Variants in ZBTB20 observed in about 807,000 individuals in gnomAD.
The protein encoded by ZBTB20 is zinc finger and BTB domain-containing protein 20.
A neutral mutation model predicts 56.9 loss-of-function variants in ZBTB20; 9 were observed. The observed-to-expected ratio is 0.16, with a 90% CI of 0.10 to 0.28. ZBTB20 has a LOEUF of 0.28. Among genes scored for constraint, ZBTB20 ranks in the 10% least tolerant of loss-of-function variants. The pLI, the probability that ZBTB20 is intolerant of heterozygous loss-of-function variation, is 1.00. For synonymous variants in ZBTB20, 417 were observed against 420.7 expected, an observed-to-expected ratio of 0.99 and a Z score of 0.11; for missense variants, 655 against 1,003.0, an observed-to-expected ratio of 0.65 and a Z score of 4.69.
At chr3:115,080,465 T>C (rs922323838) in intron 1 of ZBTB20, among the ~76,000 whole-genome samples, 2 of 152,170 alleles carry the variant, frequency 1.3e-5, no homozygotes, top group Non-Finnish European at 2.9e-5. Flanking sequence ...ACAGCCTTCC[T>C]ACACAGAAAC....
At chr3:114,874,686 G>C (rs992815792) in intron 4 of ZBTB20, among the ~76,000 whole-genome samples, 1 of 152,074 alleles carries the variant, frequency 6.6e-6, no homozygotes, top group African/African-American at 2.4e-5. Context: ...CAGTGAGATG[G>C]CCCTGTTTAT....
chr3:114,545,129 T>C (rs1007415526), intron 6 of ZBTB20, among the ~76,000 whole-genome samples: 1 of 152,204 alleles, frequency 6.6e-6, no homozygotes, highest in African/African-American at 2.4e-5. Context: ...AAACCCGCTT[T>C]GGATATGTAT....
intron 6 of ZBTB20, among the ~76,000 whole-genome samples, chr3:114,633,000 T>G (rs1386681393): frequency 1.3e-5 from 2 of 152,340 alleles, no homozygotes; most frequent in East Asian, 3.9e-4. Context: ...AAGGAAACTA[T>G]GAGACCAAAC....
intron 6 of ZBTB20, among the ~76,000 whole-genome samples, chr3:114,574,045 T>C (rs542326332): frequency 5.3e-5 from 8 of 152,284 alleles, no homozygotes; most frequent in Non-Finnish European, 1.2e-4. Flanking sequence ...TTTGTATCTT[T>C]TGGACCAGGA....
chr3:114,603,377 T>C (rs991144391), intron 6 of ZBTB20, among the ~76,000 whole-genome samples: 2 of 151,946 alleles, frequency 1.3e-5, no homozygotes, highest in African/African-American at 4.8e-5. Context: ...AGATCCTCTT[T>C]TACCCTTAAA....
At chr3:114,678,251 C>T (rs2061749503) in intron 6 of ZBTB20, among the ~76,000 whole-genome samples, 1 of 152,136 alleles carries the variant, frequency 6.6e-6, no homozygotes, top group Admixed American at 6.5e-5. Context: ...AAAATATGCT[C>T]TCCATTGGTG....
intron 6 of ZBTB20, among the ~76,000 whole-genome samples, chr3:114,633,776 TA>T (rs1553772551): frequency 1.3e-5 from 2 of 152,174 alleles, no homozygotes; most frequent in Non-Finnish European, 2.9e-5. Context: ...AAATGCACAA[TA>T]TTATTAAAAT....
rs903012359 is a variant in ZBTB20 at position 114,319,679 on chromosome 3, T to C, written c.*19326A>G. 2 of 152,164 alleles carry C rather than the reference T, an allele frequency of 1.3e-5. No homozygotes were observed. Among genetic ancestry groups the C allele is most frequent in the South Asian group, 2.1e-4 (1 of 4,834 alleles). The allele number at this position is 152,164 out of a possible 1,614,324, so 9.4% of individuals were successfully genotyped here. On this transcript the variant is annotated 3_prime_UTR_variant, in exon 12 of 12. Coordinates refer to ENST00000675478, the MANE Select transcript of ZBTB20 (RefSeq NM_001348800.3). ...TGAGTCACTGACAGTCCCCAGGTTG[T>C]ACAACTATCCATTGCAAATCCTCAT...
rs114528588 is a variant in ZBTB20 at position 114,606,859 on chromosome 3, G to T, written c.-295+86669C>A. On this transcript the variant is annotated intron_variant, in intron 6 of 11. Transcript: ENST00000675478. ...TCTTGTAATCCCAGCATTTTAGGAG[G>T]TTGAGGCGGGTGGATCACTTGAGGT... Among the ~76,000 whole-genome samples, 1,235 of 152,260 alleles carry T rather than the reference G, an allele frequency of 8.1e-3. 20 individuals are homozygous for T. The highest frequency in any genetic ancestry group is 0.028 in the African/African-American group (1,149 of 41,538).
chr3:114,365,421 C>T (rs1259498578), intron 10 of ZBTB20, among the ~76,000 whole-genome samples: 1 of 152,190 alleles, frequency 6.6e-6, no homozygotes, highest in Non-Finnish European at 1.5e-5. Flanking sequence ...GATTTCTATG[C>T]CAAGCTCTTG....
chr3:114,970,439 C>A (rs1258520133), intron 3 of ZBTB20, among the ~76,000 whole-genome samples: 2 of 152,188 alleles, frequency 1.3e-5, no homozygotes, highest in Non-Finnish European at 2.9e-5. Context: ...AGCATTGAGG[C>A]AAGAAACACA....
At chr3:114,574,566 C>A (rs1166001566) in intron 6 of ZBTB20, among the ~76,000 whole-genome samples, 1 of 152,086 alleles carries the variant, frequency 6.6e-6, no homozygotes, top group East Asian at 1.9e-4. Context: ...TTTAGCCATT[C>A]TATTTGACTG....
chr3:114,804,227 A>AAAAACAAAAC (rs1553827614), intron 4 of ZBTB20, among the ~76,000 whole-genome samples: 2 of 151,384 alleles, frequency 1.3e-5, no homozygotes, highest in African/African-American at 4.8e-5. Context: ...TAGTCAATAA[A>AAAAACAAAAC]AAAACAAAAC....
At chr3:114,618,662 C>G (rs926427560) in intron 6 of ZBTB20, among the ~76,000 whole-genome samples, 7 of 152,122 alleles carry the variant, frequency 4.6e-5, no homozygotes, top group African/African-American at 1.2e-4. Context: ...ACAGTACAGT[C>G]TGTGTACAGT....
At chr3:114,675,628 C>G (rs2061585457) in intron 6 of ZBTB20, among the ~76,000 whole-genome samples, 1 of 152,120 alleles carries the variant, frequency 6.6e-6, no homozygotes, top group Non-Finnish European at 1.5e-5. Flanking sequence ...CACACATATT[C>G]TGTTACTGAA....
At chr3:114,774,938 C>G (rs1166229123) in intron 5 of ZBTB20, among the ~76,000 whole-genome samples, 1 of 152,094 alleles carries the variant, frequency 6.6e-6, no homozygotes, top group African/African-American at 2.4e-5. Context: ...GAAAAAACTT[C>G]CAGCATGCTC....
intron 6 of ZBTB20, among the ~76,000 whole-genome samples, chr3:114,685,136 A>G (rs1266763207): frequency 6.6e-6 from 1 of 152,102 alleles, no homozygotes; most frequent in Admixed American, 6.6e-5. Flanking sequence ...TAGTCAGTCC[A>G]AAATCTGTTC....
intron 10 of ZBTB20, among the ~76,000 whole-genome samples, chr3:114,367,614 T>C (rs2082554083): frequency 6.6e-6 from 1 of 152,194 alleles, no homozygotes; most frequent in Non-Finnish European, 1.5e-5. Context: ...CTTAACAGGT[T>C]AACACTAGAA....
chr3:115,114,138 A>G (rs1290738521), intron 1 of ZBTB20, among the ~76,000 whole-genome samples: 4 of 152,208 alleles, frequency 2.6e-5, no homozygotes, highest in African/African-American at 9.6e-5. Context: ...TTTTGCTCTT[A>G]CTGAAGAGCA....
Sources: gnomAD v4.1 joint callset for allele counts (sites outside exome capture counted in the v4.1 genomes callset) on GRCh38, gnomAD v4.1.1 for gene constraint, MANE v1.5 for transcripts, NCBI Gene and HGNC (gene_info 2026-07-23, HGNC 2026-07-21) for gene names.